Variants in CTNNBL1 observed in about 807,000 individuals in gnomAD.
The protein encoded by CTNNBL1 is beta-catenin-like protein 1.
In CTNNBL1, 31 loss-of-function variants were observed where a neutral mutation model predicts 72.7. The observed-to-expected ratio is 0.43, with a 90% CI of 0.32 to 0.58. The LOEUF is 0.58. Among genes scored for constraint, CTNNBL1 ranks in the 20% least tolerant of loss-of-function variants. CTNNBL1 has a pLI of 0.08. For synonymous variants in CTNNBL1, 240 were observed against 267.3 expected, an observed-to-expected ratio of 0.90 and a Z score of 1.00; for missense variants, 534 against 725.1, an observed-to-expected ratio of 0.74 and a Z score of 3.03.
chr20:37,729,568 G>A (rs967052027), intron 1 of CTNNBL1, among the ~76,000 whole-genome samples: 4 of 151,660 alleles, frequency 2.6e-5, no homozygotes, highest in Admixed American at 2.0e-4. Flanking sequence ...TTCTCCCCTC[G>A]GAGATAAACA....
chr20:37,727,772 C>T (rs979945298), intron 1 of CTNNBL1, among the ~76,000 whole-genome samples: 1 of 152,186 alleles, frequency 6.6e-6, no homozygotes, highest in African/African-American at 2.4e-5. Flanking sequence ...GAGCTGTTGA[C>T]CTCTGTGACA....
chr20:37,765,324 G>A (rs2062946382), intron 6 of CTNNBL1, 34 bp downstream of exon 6: 4 of 1,378,938 alleles, frequency 2.9e-6, no homozygotes, highest in Non-Finnish European at 4.0e-6. Context: ...TGCCTGAGTT[G>A]CTTTGTGTTT....
intron 11 of CTNNBL1, among the ~76,000 whole-genome samples, chr20:37,838,286 G>C (rs972696307): frequency 6.6e-6 from 1 of 152,172 alleles, no homozygotes; most frequent in African/African-American, 2.4e-5. Flanking sequence ...GGCCAAAGGG[G>C]ACAAGGGTGG....
At position 37,731,019 on chromosome 20, in the gene CTNNBL1, ATATATT is replaced by A. The variant is rs1209921432; in HGVS notation, c.31-1855_31-1850del. On this transcript the variant is annotated intron_variant, in intron 1 of 15. Transcript: ENST00000361383. ...TTATTTTTAATTAGCAAATAATTGTATATATTTATAGGGTACAAGGTGATATTTTGA... is the reference window on the plus strand; with the variant it reads ...TTATTTTTAATTAGCAAATAATTGTATATAGGGTACAAGGTGATATTTTGA... Among the ~76,000 whole-genome samples, 11 of 152,120 alleles carry A rather than the reference ATATATT, an allele frequency of 7.2e-5. No homozygotes were observed. The East Asian group carries it at 2.1e-3, about 29-fold the overall frequency.
chr20:37,732,151 T>C (rs2073134411), intron 1 of CTNNBL1, among the ~76,000 whole-genome samples: 1 of 152,256 alleles, frequency 6.6e-6, no homozygotes, highest in Non-Finnish European at 1.5e-5. Flanking sequence ...TGCATTTCCC[T>C]GATGATTAGT....
intron 1 of CTNNBL1, among the ~76,000 whole-genome samples, chr20:37,709,844 G>C (rs2072921843): frequency 6.6e-6 from 1 of 152,208 alleles, no homozygotes; most frequent in African/African-American, 2.4e-5. Flanking sequence ...CTAACTTCTT[G>C]TTTCTCTGGT....
intron 11 of CTNNBL1, among the ~76,000 whole-genome samples, chr20:37,811,483 C>T (rs142560140): frequency 1.5e-3 from 227 of 152,318 alleles, no homozygotes; most frequent in African/African-American, 5.1e-3. Context: ...GTTTCTGGAT[C>T]AATTCCTTTT....
chr20:37,746,225 G>T (rs577751614), intron 3 of CTNNBL1, among the ~76,000 whole-genome samples: 1 of 152,322 alleles, frequency 6.6e-6, no homozygotes, highest in African/African-American at 2.4e-5. Context: ...CTGAAAGGCA[G>T]CTTGTGACTG....
At chr20:37,863,714 T>C (rs2072511743) in intron 15 of CTNNBL1, among the ~76,000 whole-genome samples, 1 of 152,040 alleles carries the variant, frequency 6.6e-6, no homozygotes, top group African/African-American at 2.4e-5. Flanking sequence ...GTACAAGGGG[T>C]GACTGCATCC....
rs547727195 is a variant in CTNNBL1, at chr20:37,789,106, C to CA, written c.1031+9780dup. On this transcript the variant is annotated intron_variant, in intron 10 of 15. Coordinates refer to ENST00000361383, the MANE Select transcript of CTNNBL1 (RefSeq NM_030877.5). The stretch of plus-strand genomic sequence containing the variant: ...GGTAGCCATCCTAGAGTACAGGAAC[C>CA]AAAAAAAAAGAAAAGGAATTTCTCA... Among the ~76,000 whole-genome samples the CA allele has an allele frequency of 4.7e-3, 709 of 149,544 alleles. 3 individuals carry two copies. The highest frequency in any genetic ancestry group is 6.7e-3 in the Non-Finnish European group (448 of 67,304).
chr20:37,782,880 A>G (rs1175753026), intron 10 of CTNNBL1, among the ~76,000 whole-genome samples: 16 of 152,160 alleles, frequency 1.1e-4, no homozygotes, highest in Admixed American at 9.2e-4. Context: ...ATGTTTTCCA[A>G]TAAGTCCAGT....
chr20:37,716,484 A>C (rs2072987414), intron 1 of CTNNBL1, among the ~76,000 whole-genome samples: 1 of 152,216 alleles, frequency 6.6e-6, no homozygotes, highest in South Asian at 2.1e-4. Context: ...TTATCTAAGA[A>C]TAACTCATTC....
chr20:37,759,876 C>G (rs183081393), intron 5 of CTNNBL1, among the ~76,000 whole-genome samples: 1 of 152,266 alleles, frequency 6.6e-6, no homozygotes, highest in Non-Finnish European at 1.5e-5. Context: ...GTTGAGTTGT[C>G]TTTGTAGTTT....
At chr20:37,826,030 C>T (rs2072156925) in intron 11 of CTNNBL1, among the ~76,000 whole-genome samples, 1 of 152,180 alleles carries the variant, frequency 6.6e-6, no homozygotes, top group Admixed American at 6.5e-5. Flanking sequence ...CTCCTTCAAC[C>T]CATCTGAGAT....
Position 37,777,693 on chromosome 20 carries a change from T to G in CTNNBL1, c.863T>G (p.Val288Gly). The G allele has an allele frequency of 6.2e-7, 1 of 1,613,858 alleles. No homozygotes were observed. The highest frequency in any genetic ancestry group is 2.2e-5 in the East Asian group (1 of 44,864). ...ELLGELDGID[V>G]LLQQLSVFKR... Reference sequence around the variant, plus strand: ...CTTGGGGAGCTGGATGGAATCGATGTGCTTCTTCAGCAGTTATCCGTGAGT... The same window carrying G: ...CTTGGGGAGCTGGATGGAATCGATGGGCTTCTTCAGCAGTTATCCGTGAGT... Residue 288 changes from valine (V) to glycine (G), a missense_variant, in exon 9 of 16, where the codon GTG (valine) becomes GGG (glycine). Transcript: ENST00000361383.
At chr20:37,787,348 T>G (rs113003292) in intron 10 of CTNNBL1, among the ~76,000 whole-genome samples, 2 of 146,638 alleles carry the variant, frequency 1.4e-5, no homozygotes, top group African/African-American at 2.6e-5. Context: ...TGTGTGTTTT[T>G]TTTTTTTTTT....
At chr20:37,696,183 G>T (rs965774090) in intron 1 of CTNNBL1, among the ~76,000 whole-genome samples, 1 of 152,134 alleles carries the variant, frequency 6.6e-6, no homozygotes, top group Non-Finnish European at 1.5e-5. Context: ...TAAAAGACAA[G>T]ATTCTTGCTT....
chr20:37,802,483 G>A (rs1171483001), intron 10 of CTNNBL1, among the ~76,000 whole-genome samples: 1 of 152,098 alleles, frequency 6.6e-6, no homozygotes, highest in African/African-American at 2.4e-5. Flanking sequence ...CATTTTAACT[G>A]GTAGAAATTG....
At chr20:37,846,870 G>A (rs1056527880) in intron 13 of CTNNBL1, among the ~76,000 whole-genome samples, 1 of 152,112 alleles carries the variant, frequency 6.6e-6, no homozygotes, top group African/African-American at 2.4e-5. Flanking sequence ...ATTTGTAAGA[G>A]AGCCCTATCT....
Sources: allele counts gnomAD v4.1 joint callset (sites outside exome capture counted in the v4.1 genomes callset), GRCh38; gene constraint gnomAD v4.1.1; transcripts MANE v1.5; gene names NCBI Gene and HGNC (gene_info 2026-07-23, HGNC 2026-07-21).